The following DPH6 variants were observed in gnomAD, a reference collection of about 807,000 sequenced individuals.
DPH6 encodes diphthine--ammonia ligase.
A neutral mutation model predicts 38.2 loss-of-function variants in DPH6; 33 were observed. The ratio of observed to expected loss-of-function variants is 0.86; its 90% CI spans 0.65 to 1.15. DPH6 has a LOEUF of 1.15. Ranked by LOEUF, DPH6 falls within the 50% of genes most tolerant of loss-of-function variation. DPH6 has a pLI of 0.00. For synonymous variants in DPH6, 108 were observed against 103.0 expected (o/e 1.05, Z -0.30); for missense variants, 325 against 320.0 (o/e 1.02, Z -0.12).
At chr15:35,334,869 T>C (rs2052356312) in intron 3 of DPH6, among the ~76,000 whole-genome samples, 1 of 152,172 alleles carries the variant, frequency 6.6e-6, no homozygotes, top group Non-Finnish European at 1.5e-5. Flanking sequence ...AATGAACCTA[T>C]GTGTGCATGT....
At chr15:35,329,947 TA>T (rs201228342), downstream of DPH6, among the ~76,000 whole-genome samples, 425 of 151,414 alleles carry the variant, frequency 2.8e-3, 1 homozygote, top group African/African-American at 4.0e-3. Flanking sequence ...ATAGAAAGGT[TA>T]AAAAAAAATA....
chr15:35,252,724 T>C (rs1490254400), intron 3 of DPH6, among the ~76,000 whole-genome samples: 1 of 152,240 alleles, frequency 6.6e-6, no homozygotes, highest in Non-Finnish European at 1.5e-5. Context: ...ACAAATAAAC[T>C]GTCTAAGACA....
intron 6 of DPH6, among the ~76,000 whole-genome samples, chr15:35,386,126 C>G (rs992973763): frequency 2.0e-5 from 3 of 152,094 alleles, no homozygotes; most frequent in African/African-American, 7.2e-5. Context: ...TGATAGTTTG[C>G]TGAGAATGAT....
exon 4 of DPH6, chr15:35,219,668 T>C (rs1028437552): frequency 6.6e-6 from 1 of 152,184 alleles, no homozygotes; most frequent in African/African-American, 2.4e-5. Context: ...ATAAAAAATA[T>C]GTTTTTGGAT....
chr15:35,153,305 T>C, the DPH6 span, among the ~76,000 whole-genome samples: 1 of 152,172 alleles, frequency 6.6e-6, no homozygotes, highest in African/African-American at 2.4e-5. Flanking sequence ...AAAACATAAA[T>C]TTACAAAGAT....
intron 3 of DPH6, among the ~76,000 whole-genome samples, chr15:35,304,341 G>A (rs1181207806): frequency 1.3e-5 from 2 of 152,078 alleles, no homozygotes; most frequent in Non-Finnish European, 2.9e-5. Context: ...ATATTATTCA[G>A]TCAAAACCTC....
At chr15:35,335,712 C>G (rs1050925362) in intron 3 of DPH6, among the ~76,000 whole-genome samples, 2 of 152,114 alleles carry the variant, frequency 1.3e-5, no homozygotes, top group Non-Finnish European at 2.9e-5. Flanking sequence ...AGACTTATTT[C>G]TGAGTTCTCT....
chr15:35,398,331 T>A (rs913296916), intron 6 of DPH6, among the ~76,000 whole-genome samples: 22 of 152,092 alleles, frequency 1.4e-4, no homozygotes, highest in African/African-American at 5.3e-4. Context: ...AACCTTGTGA[T>A]TAGAGGGTTG....
At chr15:35,190,033 C>T in the DPH6 span, among the ~76,000 whole-genome samples, 21 of 152,046 alleles carry the variant, frequency 1.4e-4, no homozygotes, top group Admixed American at 2.6e-4. Context: ...AGGGAAGATA[C>T]GGAAGGCAAT....
At chr15:35,356,454 G>A (rs2052561060) in intron 3 of DPH6, among the ~76,000 whole-genome samples, 1 of 152,164 alleles carries the variant, frequency 6.6e-6, no homozygotes, top group Admixed American at 6.5e-5. Flanking sequence ...CGTACAGATG[G>A]GTTTTTGGTG....
intron 3 of DPH6, among the ~76,000 whole-genome samples, chr15:35,242,352 G>A (rs318350): frequency 0.71 from 100,771 of 141,152 alleles, 43,912 homozygotes; most frequent in Non-Finnish European, 0.92. Context: ...AGCCAGGACC[G>A]CACCCTATAG....
intron 8 of DPH6, 112 bp from the exon 9 acceptor site, chr15:35,372,315 C>T: frequency 2.3e-6 from 2 of 884,018 alleles, no homozygotes; most frequent in Non-Finnish European, 3.1e-6. Context: ...GTTATCTTCG[C>T]AGCCTATTTC....
chr15:35,322,168 A>G (rs548909115), intron 3 of DPH6, among the ~76,000 whole-genome samples: 87 of 152,308 alleles, frequency 5.7e-4, no homozygotes, highest in African/African-American at 1.8e-3. Flanking sequence ...GATGTTATTT[A>G]TAGGAATAAT....
rs151276162 is a variant in DPH6, at chr15:35,382,002, T to C, written c.568-86A>G. ...CTCTTATCTGGTACTAAAAAATCCA[T>C]ACAAAAAACTTTAATTCCAAAATAG... On this transcript the variant is annotated intron_variant, in intron 6 of 8. Transcript: ENST00000256538. 3,148 of 954,430 alleles carry C rather than the reference T, an allele frequency of 3.3e-3. 11 individuals carry two copies. Among genetic ancestry groups the C allele is most frequent in the Non-Finnish European group, 4.3e-3 (2,638 of 619,056 alleles). 59.1% of individuals were successfully genotyped at this position (954,430 alleles called of 1,614,324 possible).
chr15:35,300,530 G>C (rs1438520801), intron 3 of DPH6, among the ~76,000 whole-genome samples: 2 of 152,128 alleles, frequency 1.3e-5, no homozygotes, highest in African/African-American at 4.8e-5. Flanking sequence ...GGATGTAATG[G>C]ACAAAAGAGA....
intron 3 of DPH6, among the ~76,000 whole-genome samples, chr15:35,279,822 A>G (rs575910578): frequency 6.6e-6 from 1 of 152,120 alleles, no homozygotes; most frequent in Non-Finnish European, 1.5e-5. Context: ...CCCACCCCCC[A>G]AATTCATATG....
rs67243158 is a variant in DPH6 at position 35,285,872 on chromosome 15, G to GTTTTTTTTTTTTTTTTTTTTTTTTTTTT, written n.201-65291_201-65290insAAAAAAAAAAAAAAAAAAAAAAAAAAAA. Among the ~76,000 whole-genome samples the GTTTTTTTTTTTTTTTTTTTTTTTTTTTT allele has an allele frequency of 5.7e-4, 30 of 52,794 alleles. 10 individuals are homozygous for GTTTTTTTTTTTTTTTTTTTTTTTTTTTT. Among genetic ancestry groups the GTTTTTTTTTTTTTTTTTTTTTTTTTTTT allele is most frequent in the Non-Finnish European group, 6.9e-4 (21 of 30,542 alleles). 34.6% of individuals were successfully genotyped at this position (52,794 alleles called of 152,430 possible). A position where few individuals can be genotyped will look rare whatever the true frequency, so the allele number is the denominator to read the frequency against. On this transcript the variant is annotated intron_variant and non_coding_transcript_variant, in intron 3 of 3. Transcript: ENST00000560386. ...GACTCAATTATCATTTTATCTTTGA[G>GTTTTTTTTTTTTTTTTTTTTTTTTTTTT]TTTTTTTTTTTTTTTTTACCTGAGA... is the stretch of plus-strand genomic sequence containing the variant.
intron 5 of DPH6, among the ~76,000 whole-genome samples, chr15:35,440,613 G>C (rs2053775328): frequency 6.6e-6 from 1 of 152,172 alleles, no homozygotes; most frequent in Non-Finnish European, 1.5e-5. Flanking sequence ...CCTAATGGCA[G>C]TTATATGTCC....
At chr15:35,496,148 T>A (rs989617432) in intron 3 of DPH6, among the ~76,000 whole-genome samples, 3 of 152,182 alleles carry the variant, frequency 2.0e-5, no homozygotes, top group Admixed American at 6.5e-5. Flanking sequence ...TTAAACACAG[T>A]ATAAAATGCC....
Sources: gnomAD v4.1 joint callset for allele counts (sites outside exome capture counted in the v4.1 genomes callset) on GRCh38, gnomAD v4.1.1 for gene constraint, MANE v1.5 for transcripts, NCBI Gene and HGNC (gene_info 2026-07-23, HGNC 2026-07-21) for gene names.